GMFB: variants seen among roughly 807,000 people sequenced by gnomAD.
GMFB encodes GMF-beta.
GMFB carries 13 observed loss-of-function variants against 25.6 expected under a neutral mutation model. The ratio of observed to expected loss-of-function variants is 0.51; its 90% confidence interval spans 0.33 to 0.81. GMFB has a LOEUF of 0.81. Among genes scored for constraint, GMFB ranks in the 30% least tolerant of loss-of-function variants. The probability of loss-of-function intolerance (pLI) is 0.02; values close to 1 mark genes in which losing one functional copy is unlikely to be tolerated. For missense variants in GMFB, 146 were observed against 175.4 expected (o/e 0.83, Z 0.95); for synonymous variants, 57 against 56.9 (o/e 1.00, Z 0.00).
chr14:54,487,488 G>C (rs1189256302), intron 1 of GMFB, among the ~76,000 whole-genome samples: 2 of 152,012 alleles, frequency 1.3e-5, no homozygotes, highest in Non-Finnish European at 2.9e-5. Flanking sequence ...GCAGTGAGCG[G>C]AGATCGCGCC....
rs1485436383 is a variant in GMFB at position 54,481,538 on chromosome 14, C to T, written c.151-80G>A. ...AGAGATACACCAAGCACCCATTCTA[C>T]TAACAGTTATAAATTTATTACCACA... On this transcript the variant is annotated intron_variant, in intron 3 of 6. Transcript: ENST00000358056. 5 of 850,354 alleles carry T rather than the reference C, an allele frequency of 5.9e-6. No homozygotes were observed. The African/African-American group carries it at 6.8e-5, about 12-fold the overall frequency. The allele number at this position is 850,354 out of a possible 1,614,324, so 52.7% of individuals were successfully genotyped here. A position where few individuals can be genotyped will look rare whatever the true frequency, so the allele number is the denominator to read the frequency against.
intron 1 of GMFB, 102 bp downstream of exon 1, chr14:54,488,823 C>A: frequency 1.1e-6 from 1 of 914,508 alleles, no homozygotes; most frequent in Non-Finnish European, 1.6e-6. Flanking sequence ...GCCGCCGAGC[C>A]CTCCTGGGCG....
intron 1 of GMFB, among the ~76,000 whole-genome samples, chr14:54,485,641 A>G (rs1480255622): frequency 1.3e-5 from 2 of 152,204 alleles, no homozygotes; most frequent in Non-Finnish European, 2.9e-5. Context: ...TACCAATGAC[A>G]TTCTTAAAAG....
At chr14:54,482,941 C>T (rs1198498216) in intron 2 of GMFB, among the ~76,000 whole-genome samples, 2 of 151,872 alleles carry the variant, frequency 1.3e-5, no homozygotes, top group African/African-American at 4.8e-5. Flanking sequence ...GTCGACATTG[C>T]AGTATTTATT....
At chr14:54,484,180 T>G (rs1017738715) in intron 1 of GMFB, 3 of 191,046 alleles carry the variant, frequency 1.6e-5, no homozygotes, top group African/African-American at 7.1e-5. Flanking sequence ...TGATTATACT[T>G]AGAATTAATA....
chr14:54,482,401 A>G (rs1336675026), intron 2 of GMFB, among the ~76,000 whole-genome samples, 199 bp from the exon 3 acceptor site: 1 of 152,180 alleles, frequency 6.6e-6, no homozygotes, highest in Non-Finnish European at 1.5e-5. Context: ...AAAAGCTTTT[A>G]CCCATAATTC....
rs1202622335 is a variant in GMFB at position 54,476,005 on chromosome 14, T to C, written c.*2083A>G. On this transcript the variant is annotated 3_prime_UTR_variant, in exon 7 of 7. Coordinates refer to ENST00000358056, the MANE Select transcript of GMFB (RefSeq NM_004124.3). ...AAATCTATATAAATGTTTGAGAACATTTTAGAGCACGGGATTTGTAAATTT... is the reference window on the plus strand; with the variant it reads ...AAATCTATATAAATGTTTGAGAACACTTTAGAGCACGGGATTTGTAAATTT... 1 of 152,110 alleles carries C rather than the reference T, an allele frequency of 6.6e-6. No individual in the cohort carries two copies. The highest frequency in any genetic ancestry group is 2.4e-5 in the African/African-American group (1 of 41,458). 9.4% of individuals were successfully genotyped at this position (152,110 alleles called of 1,614,324 possible). A position where few individuals can be genotyped will look rare whatever the true frequency, so the allele number is the denominator to read the frequency against.
intron 2 of GMFB, among the ~76,000 whole-genome samples, chr14:54,482,930 T>C (rs752779429): frequency 1.3e-5 from 2 of 152,102 alleles, no homozygotes; most frequent in African/African-American, 2.4e-5. Context: ...AAGAACCATA[T>C]GTCGACATTG....
rs1470620326 is a variant in GMFB at position 54,476,980 on chromosome 14, T to C, written c.*1108A>G. ...CCAGTTCAGAATATCTTCTGACATTTAGGATATAAGATGTGATTGCTATTG... is the reference window on the plus strand; with the variant it reads ...CCAGTTCAGAATATCTTCTGACATTCAGGATATAAGATGTGATTGCTATTG... On this transcript the variant is annotated 3_prime_UTR_variant, in exon 7 of 7. Coordinates refer to ENST00000358056, the MANE Select transcript of GMFB (RefSeq NM_004124.3). The C allele has an allele frequency of 6.6e-6, 1 of 152,030 alleles. No individual in the cohort carries two copies. 9.4% of individuals were successfully genotyped at this position (152,030 alleles called of 1,614,324 possible).
Position 54,478,163 on chromosome 14 carries a change from T to TTAAA in GMFB, c.358-5_358-4insTTTA. 1.1e-6 allele frequency: 1 copy of TTAAA among 876,584 alleles called. No individual in the cohort carries two copies. The highest frequency in any genetic ancestry group is 1.6e-6 in the Non-Finnish European group (1 of 624,892). 54.3% of individuals were successfully genotyped at this position (876,584 alleles called of 1,614,324 possible). A position where few individuals can be genotyped will look rare whatever the true frequency, so the allele number is the denominator to read the frequency against. On this transcript the variant is annotated splice_polypyrimidine_tract_variant and splice_region_variant and intron_variant, in intron 6 of 6. Coordinates refer to ENST00000358056, the MANE Select transcript of GMFB (RefSeq NM_004124.3). ...CGGTATTTCTTATTTCAAATACCTT[T>TTAAA]AAAAAAAAAAAAAACTTGGGTCATA...
Position 54,488,061 on chromosome 14 carries a change from A to C in GMFB, c.3+864T>G, listed in dbSNP as rs1411200959. ...AGGTCAGAGAAGACGAAAACTGAAA[A>C]GAATCCATTCGATTCAGTGACCATG... On this transcript the variant is annotated intron_variant, in intron 1 of 6. Coordinates refer to ENST00000358056, the MANE Select transcript of GMFB (RefSeq NM_004124.3). 2.0e-5 allele frequency among the ~76,000 whole-genome samples: 3 copies of C among 152,212 alleles called. No individual in the cohort carries two copies. The East Asian group carries it at 5.8e-4, about 29-fold the overall frequency.
chr14:54,479,000 G>C (rs1174321809), intron 6 of GMFB: 1 of 152,042 alleles, frequency 6.6e-6, no homozygotes, highest in Non-Finnish European at 1.5e-5. Context: ...TACAAATCAG[G>C]AAAAAGTAAT....
intron 1 of GMFB, among the ~76,000 whole-genome samples, chr14:54,486,165 G>A (rs771425389): frequency 2.6e-5 from 4 of 152,038 alleles, no homozygotes; most frequent in African/African-American, 4.8e-5. Flanking sequence ...CAGGAGAATC[G>A]CTTGAACCCG....
chr14:54,486,319 G>A (rs1447288175), intron 1 of GMFB, among the ~76,000 whole-genome samples: 3 of 151,980 alleles, frequency 2.0e-5, no homozygotes, highest in Non-Finnish European at 4.4e-5. Flanking sequence ...AAATCAAAAT[G>A]GATTAAAGAC....
At chr14:54,483,643 A>C (rs368428572) in intron 2 of GMFB, 28 bp downstream of exon 2, 2 of 1,134,042 alleles carry the variant, frequency 1.8e-6, no homozygotes, top group Non-Finnish European at 2.7e-6. Flanking sequence ...AAGACCATGT[A>C]ACTTTGAGGC....
rs2140029268 is a variant in GMFB at position 54,476,012 on chromosome 14, G to C, written c.*2076C>G. 1 of 152,192 alleles carries C rather than the reference G, an allele frequency of 6.6e-6. No homozygotes were observed. Among genetic ancestry groups the C allele is most frequent in the African/African-American group, 2.4e-5 (1 of 41,568 alleles). The allele number at this position is 152,192 out of a possible 1,614,324, so 9.4% of individuals were successfully genotyped here. A position where few individuals can be genotyped will look rare whatever the true frequency, so the allele number is the denominator to read the frequency against. On this transcript the variant is annotated 3_prime_UTR_variant, in exon 7 of 7. Transcript: ENST00000358056. ...TATAAATGTTTGAGAACATTTTAGA[G>C]CACGGGATTTGTAAATTTCCCCATA...
chr14:54,488,239 T>C (rs967434802), intron 1 of GMFB, among the ~76,000 whole-genome samples: 1 of 152,242 alleles, frequency 6.6e-6, no homozygotes, highest in South Asian at 2.1e-4. Context: ...TTTTCCACTT[T>C]ATTTTTATGC....
At chr14:54,487,500 CT>C (rs932843076) in intron 1 of GMFB, among the ~76,000 whole-genome samples, 26 of 151,642 alleles carry the variant, frequency 1.7e-4, no homozygotes, top group Non-Finnish European at 3.1e-4. Flanking sequence ...GATCGCGCCA[CT>C]GCACTCCAAC....
chr14:54,487,731 T>C lies in GMFB; in HGVS notation c.3+1194A>G, dbSNP rs2031807287. On this transcript the variant is annotated intron_variant, in intron 1 of 6. Transcript: ENST00000358056. Reference sequence around the variant, plus strand: ...TCCGACTCAAAGAAAAAAAAGTACATACAGATCTGGATTGGATCTCAGAAG... The same window carrying C: ...TCCGACTCAAAGAAAAAAAAGTACACACAGATCTGGATTGGATCTCAGAAG... Among the ~76,000 whole-genome samples, 3 of 152,042 alleles carry C rather than the reference T, an allele frequency of 2.0e-5. No homozygotes were observed. In the South Asian group the frequency reaches 6.2e-4, roughly 32 times the overall value.
Sources: gnomAD v4.1 joint callset for allele counts (sites outside exome capture counted in the v4.1 genomes callset) on GRCh38, gnomAD v4.1.1 for gene constraint, MANE v1.5 for transcripts, NCBI Gene and HGNC (gene_info 2026-07-23, HGNC 2026-07-21) for gene names.